Variants in DPP6 observed in about 807,000 individuals in gnomAD.
DPP6 encodes the protein dipeptidyl peptidase like 6, also known as A-type potassium channel modulatory protein DPP6.
Under a neutral mutation model 122.6 loss-of-function variants are expected in DPP6, and 69 were observed. The ratio of observed to expected loss-of-function variants is 0.56; its 90% CI spans 0.46 to 0.69. DPP6 has a LOEUF of 0.69. Ranked by LOEUF, DPP6 falls within the 30% of genes least tolerant of loss-of-function variation. The probability of loss-of-function intolerance (pLI) is 0.00; values close to 1 mark genes in which losing one functional copy is unlikely to be tolerated. For missense variants in DPP6, 928 were observed against 1,116.9 expected (o/e 0.83, Z 2.41); for synonymous variants, 418 against 433.1 (o/e 0.97, Z 0.43).
At chr7:153,954,167 C>T (rs1252443070) in intron 1 of DPP6, among the ~76,000 whole-genome samples, 2 of 152,200 alleles carry the variant, frequency 1.3e-5, no homozygotes, top group African/African-American at 2.4e-5. Context: ...TTGACATCTA[C>T]AATTAGCCCT....
chr7:154,795,731 T>G (rs1351558955), intron 11 of DPP6, 114 bp from the exon 12 acceptor site: 6 of 1,449,382 alleles, frequency 4.1e-6, no homozygotes, highest in Non-Finnish European at 5.6e-6. Flanking sequence ...GCAGCGGCCA[T>G]GTAGGTGAAG....
rs540662237 is a variant in DPP6, at chr7:153,971,774, G to A, written c.51+84040G>A. ...TAGGACTGTGCTGCAGGTCTCTAGAGCTCAGGTCTTCTGTGAAGCACCTCC... is the reference window on the plus strand; with the variant it reads ...TAGGACTGTGCTGCAGGTCTCTAGAACTCAGGTCTTCTGTGAAGCACCTCC... On this transcript the variant is annotated intron_variant, in intron 1 of 25. Coordinates refer to the DPP6 transcript ENST00000404039. Among the ~76,000 whole-genome samples, 4 of 143,456 alleles carry A rather than the reference G, an allele frequency of 2.8e-5. No homozygotes were observed. The East Asian group carries it at 8.2e-4, about 29-fold the overall frequency. 94.1% of individuals were successfully genotyped at this position (143,456 alleles called of 152,430 possible).
At chr7:154,504,538 G>A (rs886557305) in intron 3 of DPP6, among the ~76,000 whole-genome samples, 6 of 152,120 alleles carry the variant, frequency 3.9e-5, no homozygotes, top group Non-Finnish European at 8.8e-5. Context: ...AGAGATGTGA[G>A]TACAAGAATA....
chr7:153,901,563 A>G (rs1799640339), intron 1 of DPP6, among the ~76,000 whole-genome samples: 1 of 152,350 alleles, frequency 6.6e-6, no homozygotes, highest in African/African-American at 2.4e-5. Context: ...TAGGTCAACT[A>G]ATGATAATGA....
At chr7:154,819,105 CT>C (rs1471996430) in intron 16 of DPP6, among the ~76,000 whole-genome samples, 1 of 152,116 alleles carries the variant, frequency 6.6e-6, no homozygotes, top group Non-Finnish European at 1.5e-5. Flanking sequence ...AGTCTTTCAT[CT>C]GAAATGTCCA....
intron 1 of DPP6, among the ~76,000 whole-genome samples, chr7:154,005,099 A>G (rs1044628411): frequency 8.5e-5 from 13 of 152,242 alleles, no homozygotes; most frequent in Non-Finnish European, 1.3e-4. Flanking sequence ...GGTAAGCAAG[A>G]TGCAAATTCT....
intron 17 of DPP6, among the ~76,000 whole-genome samples, chr7:154,854,223 G>A (rs1188518700): frequency 6.6e-6 from 1 of 152,220 alleles, no homozygotes; most frequent in African/African-American, 2.4e-5. Flanking sequence ...GGGTCTGGGA[G>A]CTTCACGGCA....
At chr7:153,987,481 A>G (rs1796908406) in intron 1 of DPP6, among the ~76,000 whole-genome samples, 1 of 152,234 alleles carries the variant, frequency 6.6e-6, no homozygotes. Context: ...GAGATTCTCA[A>G]TCTGGTCTGC....
intron 8 of DPP6, among the ~76,000 whole-genome samples, chr7:154,768,049 C>T (rs1796018040): frequency 6.6e-6 from 1 of 152,244 alleles, no homozygotes. Context: ...ACACCCTCAG[C>T]CCCACTGCCC....
the DPP6 span, among the ~76,000 whole-genome samples, chr7:153,772,127 G>A: frequency 5.3e-5 from 8 of 152,096 alleles, no homozygotes; most frequent in East Asian, 1.9e-4. Context: ...TCTGTTGCCC[G>A]GGCTGGAGTC....
chr7:154,165,145 A>G (rs1169337198), intron 1 of DPP6, among the ~76,000 whole-genome samples: 107 of 133,548 alleles, frequency 8.0e-4, no homozygotes, highest in African/African-American at 2.9e-3. Context: ...TCCCAATACT[A>G]TCCCTCCCCC....
At chr7:154,666,183 G>GTGTA (rs1838139553) in intron 6 of DPP6, among the ~76,000 whole-genome samples, 3 of 32,846 alleles carry the variant, frequency 9.1e-5, no homozygotes, top group African/African-American at 2.6e-4. Flanking sequence ...ATATATGTGT[G>GTGTA]TATATATATA....
intron 7 of DPP6, among the ~76,000 whole-genome samples, chr7:154,675,087 G>A (rs1316143780): frequency 6.6e-5 from 10 of 152,144 alleles, no homozygotes; most frequent in Non-Finnish European, 1.3e-4. Flanking sequence ...ATCGGAGAAC[G>A]TCAATAAATC....
At chr7:154,225,220 T>C (rs1800524798) in intron 1 of DPP6, among the ~76,000 whole-genome samples, 1 of 151,978 alleles carries the variant, frequency 6.6e-6, no homozygotes, top group Non-Finnish European at 1.5e-5. Flanking sequence ...ACACAAGAAA[T>C]TACCTTTATA....
In DPP6 at chr7:154,722,023, C is replaced by CAGAT. The variant is rs751608804; in HGVS notation, c.763-5734_763-5731dup. Among the ~76,000 whole-genome samples, 371 of 148,244 alleles carry CAGAT rather than the reference C, an allele frequency of 2.5e-3. 3 individuals are homozygous for CAGAT. The highest frequency in any genetic ancestry group is 3.9e-3 in the Non-Finnish European group (260 of 67,510). ...CTACCAAAAAAAAAAAAAAAAGATA[C>CAGAT]AGATAGATAGATATATAGATAGATG... is the stretch of plus-strand genomic sequence containing the variant. On this transcript the variant is annotated intron_variant, in intron 7 of 25. Coordinates refer to ENST00000377770, the MANE Select transcript of DPP6 (RefSeq NM_130797.4).
chr7:154,214,062 G>A (rs534669332), intron 1 of DPP6, among the ~76,000 whole-genome samples: 2 of 152,184 alleles, frequency 1.3e-5, no homozygotes, highest in Non-Finnish European at 2.9e-5. Context: ...AAGCCCCCAA[G>A]GACAGCTGGC....
chr7:154,791,401 G>A (rs1429733763), intron 10 of DPP6, among the ~76,000 whole-genome samples: 1 of 152,184 alleles, frequency 6.6e-6, no homozygotes, highest in African/African-American at 2.4e-5. Flanking sequence ...GCAAAGGGGT[G>A]TCTTACCTGG....
intron 1 of DPP6, among the ~76,000 whole-genome samples, chr7:154,398,324 C>T (rs2151180172): frequency 6.6e-6 from 1 of 152,288 alleles, no homozygotes; most frequent in South Asian, 2.1e-4. Context: ...TAATTAGTAA[C>T]AGAATTTGGA....
chr7:154,413,513 C>T (rs113865218), intron 1 of DPP6, among the ~76,000 whole-genome samples: 4,244 of 152,150 alleles, frequency 0.028, 187 homozygotes, highest in African/African-American at 0.097. Context: ...TTTTCTAGAG[C>T]GAATATATAG....
Sources: allele counts gnomAD v4.1 joint callset (sites outside exome capture counted in the v4.1 genomes callset), GRCh38; gene constraint gnomAD v4.1.1; transcripts MANE v1.5; gene names NCBI Gene and HGNC (gene_info 2026-07-23, HGNC 2026-07-21).